The following EPHA7 variants were observed in gnomAD, a reference collection of about 807,000 sequenced individuals.
EPHA7 encodes the protein ephrin type-A receptor 7.
EPHA7 carries 25 observed loss-of-function variants against 112.6 expected under a neutral mutation model. That is an observed-to-expected ratio of 0.22 (90% CI 0.16 to 0.31). The LOEUF (loss-of-function observed/expected upper bound fraction) is 0.31. Ranked by LOEUF, EPHA7 falls within the 10% of genes least tolerant of loss-of-function variation. The probability of loss-of-function intolerance (pLI) is 1.00; values close to 1 mark genes in which losing one functional copy is unlikely to be tolerated. For synonymous variants in EPHA7, 437 were observed against 406.5 expected, an observed-to-expected ratio of 1.07 and a Z score of -0.90; for missense variants, 962 against 1,212.6, an observed-to-expected ratio of 0.79 and a Z score of 3.07.
At chr6:93,379,502 C>T (rs1037789424) in intron 3 of EPHA7, among the ~76,000 whole-genome samples, 3 of 151,674 alleles carry the variant, frequency 2.0e-5, no homozygotes, top group East Asian at 1.9e-4. Context: ...ACTTGGGATA[C>T]GATATGTAAC....
intron 5 of EPHA7, among the ~76,000 whole-genome samples, chr6:93,333,134 C>T (rs750191003): frequency 3.3e-5 from 5 of 151,608 alleles, no homozygotes; most frequent in Non-Finnish European, 5.9e-5. Flanking sequence ...GAACATGTAC[C>T]ATTTGGTTTT....
chr6:93,415,296 T>C (rs1779169376), intron 1 of EPHA7, among the ~76,000 whole-genome samples: 1 of 152,002 alleles, frequency 6.6e-6, no homozygotes, highest in Admixed American at 6.5e-5. Context: ...TGTTAAAAAC[T>C]GTTAAGCAAT....
chr6:93,328,326 C>G (rs1259443342), intron 5 of EPHA7, among the ~76,000 whole-genome samples: 1 of 151,558 alleles, frequency 6.6e-6, no homozygotes, highest in Non-Finnish European at 1.5e-5. Context: ...TTGCACTCCA[C>G]TTCTACTAGA....
At chr6:93,397,552 A>G (rs908067803) in intron 3 of EPHA7, among the ~76,000 whole-genome samples, 1 of 151,882 alleles carries the variant, frequency 6.6e-6, no homozygotes, top group Non-Finnish European at 1.5e-5. Flanking sequence ...ACCCCCAAAG[A>G]TGGGTCCAGG....
Position 93,241,050 on chromosome 6 carries a change from T to G in EPHA7, c.*2376A>C, listed in dbSNP as rs368775158. On this transcript the variant is annotated 3_prime_UTR_variant, in exon 17 of 17. Coordinates refer to ENST00000369303, the MANE Select transcript of EPHA7 (RefSeq NM_004440.4). ...GGTATATTGCTGAAGGAAAAATTTA[T>G]TTTTGAAAAAAACTCAAAAAAACTT... 2.4e-5 allele frequency: 5 copies of G among 208,758 alleles called. No individual in the cohort carries two copies. Among genetic ancestry groups the G allele is most frequent in the African/African-American group, 1.1e-4 (5 of 44,078 alleles). The allele number at this position is 208,758 out of a possible 1,614,324, so 12.9% of individuals were successfully genotyped here.
At chr6:93,289,331 AT>A (rs1180273632) in intron 5 of EPHA7, among the ~76,000 whole-genome samples, 1 of 152,182 alleles carries the variant, frequency 6.6e-6, no homozygotes, top group Admixed American at 6.5e-5. Flanking sequence ...TTTTTTGATA[AT>A]TTTTAATATA....
At chr6:93,271,759 TA>T (rs1164882305) in intron 6 of EPHA7, among the ~76,000 whole-genome samples, 1 of 151,888 alleles carries the variant, frequency 6.6e-6, no homozygotes, top group Non-Finnish European at 1.5e-5. Flanking sequence ...ACATGATTAT[TA>T]AAACATATAT....
At chr6:93,246,069 G>A (rs1309024051) in intron 15 of EPHA7, among the ~76,000 whole-genome samples, 1 of 131,102 alleles carries the variant, frequency 7.6e-6, no homozygotes, top group South Asian at 2.4e-4. Flanking sequence ...TTTTTTTTTT[G>A]GAGACGGAGT....
chr6:93,273,933 C>G (rs1224876931), intron 5 of EPHA7, among the ~76,000 whole-genome samples: 1 of 151,872 alleles, frequency 6.6e-6, no homozygotes, highest in Non-Finnish European at 1.5e-5. Flanking sequence ...ACATGAGACT[C>G]TACTTGACAA....
intron 5 of EPHA7, among the ~76,000 whole-genome samples, chr6:93,278,679 C>G (rs780943786): frequency 6.6e-6 from 1 of 151,598 alleles, no homozygotes; most frequent in Non-Finnish European, 1.5e-5. Flanking sequence ...TTCTAAAACC[C>G]TATGAGGTAA....
intron 5 of EPHA7, among the ~76,000 whole-genome samples, chr6:93,292,832 T>C (rs980699927): frequency 2.0e-5 from 3 of 152,214 alleles, no homozygotes; most frequent in South Asian, 2.1e-4. Context: ...GACTGGAAGA[T>C]AGTGATAGAG....
At position 93,356,887 on chromosome 6, in the gene EPHA7, T is replaced by C; in HGVS notation, c.1154A>G (p.Asn385Ser). 6 of 1,614,142 alleles carry C rather than the reference T, an allele frequency of 3.7e-6. No homozygotes were observed. Among genetic ancestry groups the C allele is most frequent in the Non-Finnish European group, 5.1e-6 (6 of 1,180,022 alleles). ...AGTCTGCTGGGGCATGTATCCAATG[T>C]TACTCCCACAGGGAACACATTCGCC... ...EQGECVPCGSNIGYMPQQTGL... is the reference protein window; with the variant it reads ...EQGECVPCGSSIGYMPQQTGL... The change falls in exon 5 of 17, where the codon AAC (asparagine) becomes AGC (serine). Residue 385 changes from asparagine to serine, a missense_variant. Asn to Ser is a conservative substitution (Grantham distance 46). Around this residue, in one of 3 missense-constraint regions of EPHA7, gnomAD observed 746 missense variants for 889.2 expected, o/e 0.84. Transcript: ENST00000369303.
At chr6:93,364,191 T>C (rs1776391722) in intron 3 of EPHA7, among the ~76,000 whole-genome samples, 1 of 152,272 alleles carries the variant, frequency 6.6e-6, no homozygotes, top group South Asian at 2.1e-4. Flanking sequence ...GGGGGAATTG[T>C]ATGATATGTG....
At chr6:93,260,024 G>A (rs1246783340) in intron 9 of EPHA7, among the ~76,000 whole-genome samples, 1 of 151,884 alleles carries the variant, frequency 6.6e-6, no homozygotes, top group Non-Finnish European at 1.5e-5. Context: ...AATACAAGAT[G>A]TGAGGGACTT....
intron 3 of EPHA7, among the ~76,000 whole-genome samples, chr6:93,396,889 C>T (rs1440162621): frequency 6.6e-6 from 1 of 151,478 alleles, no homozygotes; most frequent in East Asian, 1.9e-4. Context: ...ACCATGTTAA[C>T]CCTTTTGTTA....
At chr6:93,352,303 C>T (rs1292980153) in intron 5 of EPHA7, among the ~76,000 whole-genome samples, 1 of 152,056 alleles carries the variant, frequency 6.6e-6, no homozygotes, top group Non-Finnish European at 1.5e-5. Context: ...TTTTTATTAA[C>T]GTTCATACTT....
intron 1 of EPHA7, among the ~76,000 whole-genome samples, chr6:93,415,910 CAA>C (rs1779198342): frequency 6.6e-6 from 1 of 151,952 alleles, no homozygotes; most frequent in African/African-American, 2.4e-5. Flanking sequence ...GATAAGAAAA[CAA>C]AGGAACAACT....
chr6:93,402,550 G>T (rs1385443188), intron 3 of EPHA7, among the ~76,000 whole-genome samples: 1 of 151,946 alleles, frequency 6.6e-6, no homozygotes, highest in African/African-American at 2.4e-5. Context: ...TTGAGTTTCT[G>T]AATGTGAATA....
intron 5 of EPHA7, among the ~76,000 whole-genome samples, chr6:93,309,177 G>T (rs965303283): frequency 3.9e-5 from 6 of 152,172 alleles, no homozygotes; most frequent in Non-Finnish European, 8.8e-5. Context: ...TCAAACTCCT[G>T]ACTTCAGGTG....
Sources: gnomAD v4.1 joint callset for allele counts (sites outside exome capture counted in the v4.1 genomes callset) on GRCh38, gnomAD v4.1.1 for gene constraint, gnomAD v4.1.1 regional missense constraint, MANE v1.5 for transcripts, NCBI Gene and HGNC (gene_info 2026-07-23, HGNC 2026-07-21) for gene names.